WDPCP: variants seen among roughly 807,000 people sequenced by gnomAD.
The protein encoded by WDPCP is WD repeat-containing and planar cell polarity effector protein fritz homolog.
Under a neutral mutation model 93.1 loss-of-function variants are expected in WDPCP, and 71 were observed. That is an observed-to-expected ratio of 0.76 (90% CI 0.63 to 0.93). The LOEUF is 0.93. WDPCP is among the 40% of genes least tolerant of loss of function. The pLI is 0.00. For synonymous variants in WDPCP, 315 were observed against 315.0 expected, an observed-to-expected ratio of 1.00 and a Z score of 0.00; for missense variants, 844 against 887.4, an observed-to-expected ratio of 0.95 and a Z score of 0.62.
chr2:63,385,718 C>T (rs987812694), intron 10 of WDPCP, among the ~76,000 whole-genome samples: 2 of 151,900 alleles, frequency 1.3e-5, no homozygotes, highest in African/African-American at 2.4e-5. Flanking sequence ...AACACAATCT[C>T]AGTCAAAATC....
At chr2:63,240,618 C>T (rs920094657) in intron 14 of WDPCP, among the ~76,000 whole-genome samples, 8 of 152,180 alleles carry the variant, frequency 5.3e-5, no homozygotes, top group African/African-American at 1.9e-4. Flanking sequence ...TATTCTTTAA[C>T]TACATAGTTT....
At chr2:63,813,056 C>T (rs1325178410) in intron 2 of WDPCP, among the ~76,000 whole-genome samples, 13 of 151,994 alleles carry the variant, frequency 8.6e-5, no homozygotes, top group Non-Finnish European at 1.6e-4. Flanking sequence ...GGTCTCACTA[C>T]GTTGCCCAGG....
At chr2:63,363,271 T>A (rs931704040) in intron 12 of WDPCP, among the ~76,000 whole-genome samples, 5 of 152,162 alleles carry the variant, frequency 3.3e-5, no homozygotes, top group African/African-American at 1.2e-4. Context: ...TTCTTCTATG[T>A]TAATAGGTTT....
chr2:63,148,270 T>G (rs1335698387), intron 17 of WDPCP, among the ~76,000 whole-genome samples: 1 of 152,018 alleles, frequency 6.6e-6, no homozygotes, highest in Non-Finnish European at 1.5e-5. Context: ...AAGGCTGCAG[T>G]GAGCTGTGAT....
At chr2:63,280,816 C>T (rs1683479458) in intron 13 of WDPCP, among the ~76,000 whole-genome samples, 1 of 152,068 alleles carries the variant, frequency 6.6e-6, no homozygotes, top group Non-Finnish European at 1.5e-5. Flanking sequence ...TTACTTTATA[C>T]AAAAATCAAC....
chr2:63,551,429 G>A, intron 1 of WDPCP, among the ~76,000 whole-genome samples: 1 of 152,080 alleles, frequency 6.6e-6, no homozygotes. Context: ...GTTCAAGTGA[G>A]ATCGGGTTAT....
intron 15 of WDPCP, among the ~76,000 whole-genome samples, chr2:63,158,892 T>G (rs1672447760): frequency 6.8e-6 from 1 of 147,132 alleles, no homozygotes; most frequent in Non-Finnish European, 1.5e-5. Flanking sequence ...ATGCCAGCAC[T>G]CTGGCAGGCT....
chr2:63,595,326 A>G (rs1248671704), intron 3 of WDPCP: 5 of 769,922 alleles, frequency 6.5e-6, no homozygotes, highest in African/African-American at 5.1e-5. Context: ...TGGGAATTAC[A>G]TGCATGTACA....
At chr2:63,346,092 A>C (rs1389431713) in intron 12 of WDPCP, among the ~76,000 whole-genome samples, 1 of 152,180 alleles carries the variant, frequency 6.6e-6, no homozygotes, top group Non-Finnish European at 1.5e-5. Flanking sequence ...ATTTATGTGG[A>C]GGTACTTTTT....
intron 9 of WDPCP, among the ~76,000 whole-genome samples, chr2:63,430,178 C>A (rs938817334): frequency 6.6e-6 from 1 of 151,936 alleles, no homozygotes; most frequent in Non-Finnish European, 1.5e-5. Context: ...TGGGTATACA[C>A]GGACATAAAG....
At chr2:63,405,288 T>C (rs576062398) in intron 9 of WDPCP, among the ~76,000 whole-genome samples, 8 of 152,162 alleles carry the variant, frequency 5.3e-5, no homozygotes, top group South Asian at 2.1e-4. Flanking sequence ...AAGTGACCAA[T>C]AGAAAGAAAT....
intron 13 of WDPCP, among the ~76,000 whole-genome samples, chr2:63,266,644 A>G (rs1467369320): frequency 6.6e-6 from 1 of 152,110 alleles, no homozygotes; most frequent in Non-Finnish European, 1.5e-5. Context: ...CATCTCTACT[A>G]AAAATACAAA....
intron 12 of WDPCP, among the ~76,000 whole-genome samples, chr2:63,328,862 G>A (rs998739394): frequency 2.6e-5 from 4 of 152,068 alleles, no homozygotes; most frequent in Non-Finnish European, 5.9e-5. Context: ...GAGTAGGCTG[G>A]GGCTACAGGT....
chr2:63,275,151 T>C (rs1682984257), intron 13 of WDPCP, among the ~76,000 whole-genome samples: 1 of 152,134 alleles, frequency 6.6e-6, no homozygotes, highest in African/African-American at 2.4e-5. Flanking sequence ...CAAGGATGCT[T>C]CGACATAGGC....
chr2:63,243,390 GATTT>G (rs1230335858), intron 14 of WDPCP, among the ~76,000 whole-genome samples: 3 of 151,728 alleles, frequency 2.0e-5, no homozygotes, highest in Non-Finnish European at 4.4e-5. Context: ...TTTTTCTTGT[GATTT>G]ATTTAATTTT....
intron 12 of WDPCP, among the ~76,000 whole-genome samples, chr2:63,367,519 T>C (rs1339409934): frequency 1.3e-5 from 2 of 152,160 alleles, no homozygotes; most frequent in African/African-American, 4.8e-5. Context: ...ATACAACGTT[T>C]ATTGCAGCAC....
rs562432790 is a variant in WDPCP, at chr2:63,802,183, C to T, written n.308+11439G>A. On this transcript the variant is annotated intron_variant and non_coding_transcript_variant, in intron 2 of 4. Transcript: ENST00000467687. ...AAAGTAGGCTGGGTATGGTGGCTCA[C>T]GCCTGTAGTCCCAGCACTTTGGAAG... Among the ~76,000 whole-genome samples the T allele has an allele frequency of 1.5e-3, 217 of 146,392 alleles. 1 individual carries two copies. The highest frequency in any genetic ancestry group is 5.3e-3 in the African/African-American group (209 of 39,654).
chr2:63,281,224 G>A (rs1683515652), intron 13 of WDPCP, among the ~76,000 whole-genome samples: 2 of 152,146 alleles, frequency 1.3e-5, no homozygotes, highest in Admixed American at 1.3e-4. Context: ...ACAAGCATAT[G>A]GGAAAATGCT....
intron 6 of WDPCP, among the ~76,000 whole-genome samples, chr2:63,451,639 A>G (rs1273632416): frequency 1.3e-5 from 2 of 152,148 alleles, no homozygotes; most frequent in Non-Finnish European, 2.9e-5. Context: ...GAGACACAAC[A>G]AAAAAAGAGG....
Sources: allele counts gnomAD v4.1 joint callset (sites outside exome capture counted in the v4.1 genomes callset), GRCh38; gene constraint gnomAD v4.1.1; transcripts MANE v1.5; gene names NCBI Gene and HGNC (gene_info 2026-07-23, HGNC 2026-07-21).